Variants in MCUB observed in about 807,000 individuals in gnomAD.
The protein encoded by MCUB is mitochondrial calcium uniporter dominant negative subunit beta.
Under a neutral mutation model 41.4 loss-of-function variants are expected in MCUB, and 46 were observed. The observed-to-expected ratio is 1.11, with a 90% CI of 0.88 to 1.42. MCUB has a LOEUF of 1.42. Ranked by LOEUF, MCUB falls within the 40% of genes most tolerant of loss-of-function variation. The pLI, the probability that MCUB is intolerant of heterozygous loss-of-function variation, is 0.00. For missense variants in MCUB, 403 were observed against 404.9 expected, an observed-to-expected ratio of 1.00 and a Z score of 0.04; for synonymous variants, 148 against 148.2, an observed-to-expected ratio of 1.00 and a Z score of 0.01.
At chr4:109,666,244 T>G (rs1049398362) in intron 4 of MCUB, among the ~76,000 whole-genome samples, 1 of 152,222 alleles carries the variant, frequency 6.6e-6, no homozygotes, top group Non-Finnish European at 1.5e-5. Flanking sequence ...CAATTATGAA[T>G]GGAGTTGCTA....
At chr4:109,665,366 C>G (rs77856769) in intron 4 of MCUB, among the ~76,000 whole-genome samples, 15,599 of 152,152 alleles carry the variant, frequency 0.1, 1,031 homozygotes, top group South Asian at 0.2. Context: ...GAACCTAACT[C>G]TTGCTTATAT....
intron 1 of MCUB, among the ~76,000 whole-genome samples, chr4:109,645,602 T>G (rs1356028684): frequency 6.6e-6 from 1 of 151,920 alleles, no homozygotes; most frequent in Admixed American, 6.6e-5. Context: ...CTCCCAACCC[T>G]CTATTTCAGA....
At position 109,560,579 on chromosome 4, in the gene MCUB, C is replaced by T. The variant is rs1308970672; in HGVS notation, c.99+143C>T. 13 of 431,412 alleles carry T rather than the reference C, an allele frequency of 3.0e-5. No homozygotes were observed. In the East Asian group the frequency reaches 4.7e-4, roughly 16 times the overall value. The allele number at this position is 431,412 out of a possible 1,614,324, so 26.7% of individuals were successfully genotyped here. A position where few individuals can be genotyped will look rare whatever the true frequency, so the allele number is the denominator to read the frequency against. On this transcript the variant is annotated intron_variant, in intron 1 of 7. Coordinates refer to ENST00000394650, the MANE Select transcript of MCUB (RefSeq NM_017918.5). ...GCCGGGCTCCGCGCGCCGGGCGGTC[C>T]CGACAGGTGGTGGCCGGGCGGCCGA...
chr4:109,584,389 C>T (rs1045761420), intron 1 of MCUB, among the ~76,000 whole-genome samples: 1 of 151,996 alleles, frequency 6.6e-6, no homozygotes, highest in African/African-American at 2.4e-5. Context: ...GTTGATCTTT[C>T]CAAAAAACTA....
At chr4:109,635,826 G>T (rs1415721772) in intron 1 of MCUB, among the ~76,000 whole-genome samples, 1 of 152,160 alleles carries the variant, frequency 6.6e-6, no homozygotes, top group African/African-American at 2.4e-5. Context: ...ACTCATCCGA[G>T]CCGTATCATT....
chr4:109,605,315 T>C (rs188462680), intron 1 of MCUB, among the ~76,000 whole-genome samples: 2 of 151,148 alleles, frequency 1.3e-5, no homozygotes, highest in East Asian at 3.9e-4. Context: ...ATATTGTTTA[T>C]TGTACACGTG....
intron 1 of MCUB, among the ~76,000 whole-genome samples, chr4:109,621,259 T>C (rs1728245828): frequency 6.6e-6 from 1 of 152,190 alleles, no homozygotes; most frequent in Non-Finnish European, 1.5e-5. Flanking sequence ...AATTTCTTGT[T>C]GTTTTTCAAT....
chr4:109,608,753 G>C (rs1727936013), intron 1 of MCUB, among the ~76,000 whole-genome samples: 1 of 152,080 alleles, frequency 6.6e-6, no homozygotes, highest in South Asian at 2.1e-4. Context: ...TGCCTGCCTT[G>C]GCTTCCCAAA....
intron 1 of MCUB, among the ~76,000 whole-genome samples, chr4:109,635,725 A>G (rs1485872845): frequency 1.3e-5 from 2 of 152,056 alleles, no homozygotes; most frequent in South Asian, 2.1e-4. Flanking sequence ...CTTCTCGCCT[A>G]TTAAATTCTC....
At chr4:109,576,163 C>T (rs72674811) in intron 1 of MCUB, among the ~76,000 whole-genome samples, 2,471 of 152,232 alleles carry the variant, frequency 0.016, 70 homozygotes, top group African/African-American at 0.056. Flanking sequence ...AGACGAAATA[C>T]GGATCAAGAG....
chr4:109,659,088 T>C lies in MCUB; in HGVS notation c.175+2T>C. The C allele has an allele frequency of 7.7e-6, 11 of 1,422,428 alleles. No individual in the cohort carries two copies. Among genetic ancestry groups the C allele is most frequent in the Non-Finnish European group, 7.8e-6 (8 of 1,028,930 alleles). 88.1% of individuals were successfully genotyped at this position (1,422,428 alleles called of 1,614,324 possible). ...ATAGTACCGTGGTGCCACCTGATGG[T>C]AAGCTTTCTTACCATTTATTTGATT... On this transcript the variant is annotated splice_donor_variant, in intron 2 of 7. Transcript: ENST00000394650. LOFTEE classifies it high-confidence loss of function.
intron 1 of MCUB, among the ~76,000 whole-genome samples, chr4:109,581,507 G>A (rs901935981): frequency 6.6e-6 from 1 of 151,942 alleles, no homozygotes; most frequent in African/African-American, 2.4e-5. Context: ...ACAGGCAATG[G>A]CAACAAAAGC....
chr4:109,641,579 C>T (rs950917135), intron 1 of MCUB, among the ~76,000 whole-genome samples: 1 of 152,150 alleles, frequency 6.6e-6, no homozygotes, highest in Non-Finnish European at 1.5e-5. Flanking sequence ...ACAAAGTGAG[C>T]ACATGCTTTA....
At chr4:109,662,489 A>T (rs1265960201) in intron 3 of MCUB, among the ~76,000 whole-genome samples, 1 of 152,244 alleles carries the variant, frequency 6.6e-6, no homozygotes, top group Non-Finnish European at 1.5e-5. Flanking sequence ...TAAAGTTAGT[A>T]GCTTTGAAAC....
At chr4:109,579,787 G>A (rs1727126027) in intron 1 of MCUB, among the ~76,000 whole-genome samples, 1 of 152,010 alleles carries the variant, frequency 6.6e-6, no homozygotes, top group Non-Finnish European at 1.5e-5. Context: ...CAGAGAATGA[G>A]TCAAAATAAA....
At chr4:109,633,786 T>A (rs1728528119) in intron 1 of MCUB, among the ~76,000 whole-genome samples, 1 of 152,070 alleles carries the variant, frequency 6.6e-6, no homozygotes, top group South Asian at 2.1e-4. Context: ...CCATGTAGAT[T>A]CTCTTCCTTT....
intron 1 of MCUB, among the ~76,000 whole-genome samples, chr4:109,592,727 A>C (rs1295162531): frequency 1.3e-5 from 2 of 152,224 alleles, no homozygotes; most frequent in East Asian, 1.9e-4. Context: ...TTCTTTTTAA[A>C]ATAAAATTTT....
At chr4:109,678,782 G>A (rs1729642415) in intron 4 of MCUB, among the ~76,000 whole-genome samples, 14 of 146,284 alleles carry the variant, frequency 9.6e-5, no homozygotes, top group Admixed American at 8.8e-4. Context: ...CTTCCCAGAC[G>A]ATGGGTGGCC....
intron 3 of MCUB, among the ~76,000 whole-genome samples, chr4:109,661,526 G>A (rs1455230068): frequency 6.6e-6 from 1 of 152,118 alleles, no homozygotes; most frequent in Non-Finnish European, 1.5e-5. Flanking sequence ...TAGAGGTAGT[G>A]CAGAGAACAA....
Sources: gnomAD v4.1 joint callset for allele counts (sites outside exome capture counted in the v4.1 genomes callset) on GRCh38, gnomAD v4.1.1 for gene constraint, MANE v1.5 for transcripts, NCBI Gene and HGNC (gene_info 2026-07-23, HGNC 2026-07-21) for gene names.